Variants in ARID1B observed in about 807,000 individuals in gnomAD.
The protein encoded by ARID1B is AT-rich interactive domain-containing protein 1B.
A neutral mutation model predicts 212.3 loss-of-function variants in ARID1B; 30 were observed. The observed-to-expected ratio is 0.14, with a 90% CI of 0.11 to 0.19. The LOEUF is 0.19. Among genes scored for constraint, ARID1B ranks in the 10% least tolerant of loss-of-function variants. The pLI, the probability that ARID1B is intolerant of heterozygous loss-of-function variation, is 1.00. For missense variants in ARID1B, 2,891 were observed against 3,204.0 expected (o/e 0.90, Z 2.36); for synonymous variants, 1,402 against 1,301.7 (o/e 1.08, Z -1.66).
intron 2 of ARID1B, among the ~76,000 whole-genome samples, chr6:156,895,154 T>C (rs1788282104): frequency 6.6e-6 from 1 of 152,268 alleles, no homozygotes; most frequent in Non-Finnish European, 1.5e-5. Context: ...TTTTATAGTA[T>C]ATTTGTTTTT....
At chr6:156,780,393 T>C (rs1273799058) in intron 1 of ARID1B, 1 of 152,394 alleles carries the variant, frequency 6.6e-6, no homozygotes, top group Admixed American at 6.5e-5. Context: ...CCTACAGCGC[T>C]GTTAGGAAGT....
chr6:156,967,743 GAGGTCAAATTATT>G (rs2128338521), intron 4 of ARID1B, among the ~76,000 whole-genome samples: 1 of 152,184 alleles, frequency 6.6e-6, no homozygotes, highest in East Asian at 1.9e-4. Context: ...TCTTATTAAT[GAGGTCAAATTATT>G]ATTTTTTATA....
intron 4 of ARID1B, among the ~76,000 whole-genome samples, chr6:156,973,799 A>C (rs1378947766): frequency 6.6e-6 from 1 of 152,078 alleles, no homozygotes; most frequent in African/African-American, 2.4e-5. Context: ...TTCAATATTT[A>C]CCGAATTTAT....
chr6:157,109,327 C>G (rs1311444750), intron 5 of ARID1B, among the ~76,000 whole-genome samples: 1 of 152,174 alleles, frequency 6.6e-6, no homozygotes, highest in East Asian at 1.9e-4. Flanking sequence ...ATATGCCTGA[C>G]TATGAAGCAG....
At chr6:157,001,721 C>T (rs1778924447) in intron 4 of ARID1B, among the ~76,000 whole-genome samples, 1 of 152,176 alleles carries the variant, frequency 6.6e-6, no homozygotes. Context: ...GGCTTATAAG[C>T]ATTTAAGATG....
chr6:156,955,791 G>A lies in ARID1B; in HGVS notation c.2247+20215G>A, dbSNP rs548816993. 6.6e-6 allele frequency among the ~76,000 whole-genome samples: 1 copy of A among 152,324 alleles called. No homozygotes were observed. The highest frequency in any genetic ancestry group is 1.5e-5 in the Non-Finnish European group (1 of 68,028). ...TCCAAGGCAGAAGATACTCGCCCTG[G>A]ACTTGGGATCTTAGAAATGAAGTAG... On this transcript the variant is annotated intron_variant, in intron 4 of 19. Transcript: ENST00000636930. This position sits in a 1 kb window ranked among gnomAD's most constrained non-coding sequence, Gnocchi z 4.2.
rs1296046545 is a variant in ARID1B, at chr6:156,901,479, C to G, written c.2090C>G (p.Ala697Gly). Residue 697 changes from alanine (A) to glycine (G), a missense_variant, in exon 3 of 20, where the codon GCG becomes GGG. Ala to Gly is a moderately conservative substitution (Grantham distance 60). Transcript: ENST00000636930. ...CAGCCCCCGCACCTCCCACCCCAGGCGCAGTATCTGCCGTCCCAGTCCCAG... is the reference window on the plus strand; with the variant it reads ...CAGCCCCCGCACCTCCCACCCCAGGGGCAGTATCTGCCGTCCCAGTCCCAG... ...QPQPPHLPPQAQYLPSQSQQR... is the reference protein window; with the variant it reads ...QPQPPHLPPQGQYLPSQSQQR... The G allele has an allele frequency of 6.2e-7, 1 of 1,613,896 alleles. No individual in the cohort carries two copies. Among genetic ancestry groups the G allele is most frequent in the Non-Finnish European group, 8.5e-7 (1 of 1,180,020 alleles).
At chr6:156,799,540 G>A (rs1462767900) in intron 1 of ARID1B, among the ~76,000 whole-genome samples, 2 of 152,180 alleles carry the variant, frequency 1.3e-5, no homozygotes, top group African/African-American at 4.8e-5. Context: ...GTGCAGTGGT[G>A]CTATCTCCTC....
intron 2 of ARID1B, among the ~76,000 whole-genome samples, chr6:156,840,776 G>GATT (rs556364431): frequency 0.33 from 49,873 of 152,160 alleles, 8,434 homozygotes; most frequent in Middle Eastern, 0.44. Context: ...CTGTCTTGCT[G>GATT]TCTTGCTGTG....
rs1794251201 is a variant in ARID1B, at chr6:157,203,553, T to C, written c.5264-313T>C. ...AAAGCTCTGATACCACATTGCAGACTCTGTAGGGTGGCTGAAAGAAATAAC... is the reference window on the plus strand; with the variant it reads ...AAAGCTCTGATACCACATTGCAGACCCTGTAGGGTGGCTGAAAGAAATAAC... On this transcript the variant is annotated intron_variant, in intron 18 of 19. Transcript: ENST00000636930. This position sits in a 1 kb window ranked among gnomAD's most constrained non-coding sequence, Gnocchi z 4.4. The C allele has an allele frequency of 3.3e-6, 1 of 299,180 alleles. No individual in the cohort carries two copies. The highest frequency in any genetic ancestry group is 1.1e-3 in the Middle Eastern group (1 of 948). 18.5% of individuals were successfully genotyped at this position (299,180 alleles called of 1,614,324 possible).
intron 2 of ARID1B, among the ~76,000 whole-genome samples, chr6:156,841,030 C>T (rs749000580): frequency 1.3e-5 from 2 of 152,124 alleles, no homozygotes; most frequent in Non-Finnish European, 1.5e-5. Context: ...GTTAGGATGC[C>T]GTACATACAA....
chr6:156,865,473 T>C (rs1785618829), intron 2 of ARID1B, among the ~76,000 whole-genome samples: 1 of 152,224 alleles, frequency 6.6e-6, no homozygotes, highest in Non-Finnish European at 1.5e-5. Flanking sequence ...ATCCTTTGCA[T>C]GTGACTCTCT....
intron 2 of ARID1B, among the ~76,000 whole-genome samples, chr6:156,873,712 C>G (rs930083314): frequency 2.0e-5 from 3 of 152,210 alleles, no homozygotes; most frequent in African/African-American, 7.2e-5. Flanking sequence ...TTCTCCTTCA[C>G]TTACGTGGGT....
chr6:157,010,302 T>TGTTG (rs1471374883), intron 4 of ARID1B, among the ~76,000 whole-genome samples: 1 of 120,864 alleles, frequency 8.3e-6, no homozygotes, highest in African/African-American at 3.2e-5. Flanking sequence ...TTTTTTTTTT[T>TGTTG]TTGTTGTTGT....
chr6:156,901,652 G>A, intron 3 of ARID1B, 127 bp downstream of exon 3: 2 of 1,208,352 alleles, frequency 1.7e-6, no homozygotes, highest in Non-Finnish European at 2.2e-6. Context: ...TTGAGAAAAT[G>A]CATAACTGTA....
chr6:157,110,094 C>T (rs1031474507), intron 5 of ARID1B, among the ~76,000 whole-genome samples: 2 of 152,108 alleles, frequency 1.3e-5, no homozygotes, highest in Non-Finnish European at 2.9e-5. Flanking sequence ...AATTGTTGGC[C>T]ACTCTGCATG....
At chr6:157,182,443 G>A (rs1459129541) in intron 12 of ARID1B, among the ~76,000 whole-genome samples, 1 of 152,074 alleles carries the variant, frequency 6.6e-6, no homozygotes, top group African/African-American at 2.4e-5. Flanking sequence ...GCTACCACCC[G>A]ACATCAATGA....
intron 4 of ARID1B, among the ~76,000 whole-genome samples, chr6:157,028,218 C>T (rs1394540029): frequency 6.6e-6 from 1 of 152,190 alleles, no homozygotes; most frequent in African/African-American, 2.4e-5. Context: ...TTAACTACCA[C>T]TTACTTAGTG....
chr6:156,837,320 A>AT (rs35222287), intron 2 of ARID1B, among the ~76,000 whole-genome samples: 1 of 152,202 alleles, frequency 6.6e-6, no homozygotes, highest in Non-Finnish European at 1.5e-5. Context: ...GCAATTACTC[A>AT]TTTTTAAGAC....
Sources: gnomAD v4.1 joint callset for allele counts (sites outside exome capture counted in the v4.1 genomes callset) on GRCh38, gnomAD v4.1.1 for gene constraint, Gnocchi (gnomAD v3.1) non-coding constraint, MANE v1.5 for transcripts, NCBI Gene and HGNC (gene_info 2026-07-23, HGNC 2026-07-21) for gene names.